PRIMA1: variants seen among roughly 807,000 people sequenced by gnomAD.
PRIMA1 encodes the protein proline-rich membrane anchor 1.
In PRIMA1, 7 loss-of-function variants were observed where a neutral mutation model predicts 17.5. That is an observed-to-expected ratio of 0.40 (90% confidence interval 0.23 to 0.75). PRIMA1 has a LOEUF of 0.75. Among genes scored for constraint, PRIMA1 ranks in the 30% least tolerant of loss-of-function variants. The pLI, the probability that PRIMA1 is intolerant of heterozygous loss-of-function variation, is 0.37. For missense variants in PRIMA1, 200 were observed against 201.8 expected (o/e 0.99, Z 0.05); for synonymous variants, 97 against 77.9 (o/e 1.25, Z -1.29).
chr14:93,788,948 G>A (rs1325604197), upstream of PRIMA1, among the ~76,000 whole-genome samples: 2 of 152,198 alleles, frequency 1.3e-5, no homozygotes, highest in Admixed American at 6.5e-5. Context: ...ACGCTGGCCC[G>A]CGAGAGGCAG....
At chr14:93,785,621 T>C (rs2141199147) in intron 2 of PRIMA1, among the ~76,000 whole-genome samples, 1 of 152,334 alleles carries the variant, frequency 6.6e-6, no homozygotes, top group South Asian at 2.1e-4. Flanking sequence ...CATGGCTTCG[T>C]GCATTTCCAT....
Position 93,743,798 on chromosome 14 carries a change from G to C in PRIMA1, c.230-6428C>G, listed in dbSNP as rs183614268. On this transcript the variant is annotated intron_variant, in intron 3 of 4. Transcript: ENST00000393140. ...CACCGCTGGTCCTCAGCGTGTGCAG[G>C]GGTCCCCTTTGGCACCACTCCCTCC... is the stretch of plus-strand genomic sequence containing the variant. 6.2e-3 allele frequency among the ~76,000 whole-genome samples: 940 copies of C among 152,338 alleles called. 7 individuals are homozygous for C. The highest frequency in any genetic ancestry group is 0.022 in the African/African-American group (896 of 41,580).
chr14:93,744,379 A>G (rs892879715), intron 3 of PRIMA1, among the ~76,000 whole-genome samples: 20 of 152,170 alleles, frequency 1.3e-4, no homozygotes, highest in Admixed American at 1.3e-3. Flanking sequence ...ACTGCTCTCC[A>G]TTCCTGGGCA....
intron 3 of PRIMA1, among the ~76,000 whole-genome samples, chr14:93,763,734 A>G (rs1448053799): frequency 6.6e-6 from 1 of 152,018 alleles, no homozygotes; most frequent in African/African-American, 2.4e-5. Context: ...GTCCCAGCAC[A>G]GTTTTTGGCT....
At position 93,737,371 on chromosome 14, in the gene PRIMA1, C is replaced by G; in HGVS notation, c.230-1G>C. 6.2e-7 allele frequency: 1 copy of G among 1,613,578 alleles called. No individual in the cohort carries two copies. The highest frequency in any genetic ancestry group is 8.5e-7 in the Non-Finnish European group (1 of 1,179,804). On this transcript the variant is annotated splice_acceptor_variant, in intron 3 of 4. Coordinates refer to ENST00000393140, the MANE Select transcript of PRIMA1 (RefSeq NM_178013.4). LOFTEE classifies it high-confidence loss of function. Reference sequence around the variant, plus strand: ...GTGGGGCAAGAGGTAGAGTTGGGAGCTGAAAAAGACAGGAGCAGCCTGAGT... The same window carrying G: ...GTGGGGCAAGAGGTAGAGTTGGGAGGTGAAAAAGACAGGAGCAGCCTGAGT...
intron 3 of PRIMA1, among the ~76,000 whole-genome samples, chr14:93,747,793 AGT>A (rs540534831): frequency 0.022 from 972 of 43,488 alleles, 6 homozygotes; most frequent in African/African-American, 0.065. Context: ...AGTATGTGAG[AGT>A]GTAAGGGGAC....
chr14:93,722,897 TTAAAC>T (rs1305652313), intron 4 of PRIMA1, among the ~76,000 whole-genome samples: 4 of 144,608 alleles, frequency 2.8e-5, no homozygotes, highest in Non-Finnish European at 4.6e-5. Flanking sequence ...CCTGAACACT[TTAAAC>T]TGAGCCATTT....
intron 4 of PRIMA1, among the ~76,000 whole-genome samples, chr14:93,723,815 A>C (rs551887378): frequency 2.0e-5 from 3 of 152,326 alleles, no homozygotes; most frequent in African/African-American, 7.2e-5. Flanking sequence ...AAGGACGCTC[A>C]TCTGGTTTGT....
intron 3 of PRIMA1, among the ~76,000 whole-genome samples, chr14:93,775,941 C>G (rs372550993): frequency 6.6e-6 from 1 of 152,240 alleles, no homozygotes; most frequent in South Asian, 2.1e-4. Context: ...ATCCCATAAG[C>G]CACCATGATT....
chr14:93,770,015 A>G (rs983521951), intron 3 of PRIMA1, among the ~76,000 whole-genome samples: 2 of 152,172 alleles, frequency 1.3e-5, no homozygotes, highest in Non-Finnish European at 2.9e-5. Context: ...CCACGCAGTC[A>G]TTCCTCAAAA....
Position 93,779,305 on chromosome 14 carries a change from G to T in PRIMA1, c.100C>A (p.His34Asn). The stretch of plus-strand genomic sequence containing the variant: ...GAGCAGGACTTCTGGGGCTCACCAT[G>T]CGTCACCTGTACACATGGGCACACG... ...HPLWGFVQVTHGEPQKSCSKV... is the reference protein window; with the variant it reads ...HPLWGFVQVTNGEPQKSCSKV... Residue 34 changes from histidine (H) to asparagine (N), a missense_variant, in exon 3 of 5, where the codon CAT becomes AAT. His to Asn is a moderately conservative substitution (Grantham distance 68). Coordinates refer to ENST00000393140, the MANE Select transcript of PRIMA1 (RefSeq NM_178013.4). The T allele has an allele frequency of 1.9e-6, 3 of 1,553,170 alleles. No individual in the cohort carries two copies. The highest frequency in any genetic ancestry group is 1.2e-5 in the South Asian group (1 of 81,310).
intron 2 of PRIMA1, among the ~76,000 whole-genome samples, chr14:93,783,368 T>C (rs1885435106): frequency 6.6e-6 from 1 of 152,216 alleles, no homozygotes; most frequent in South Asian, 2.1e-4. Context: ...AGCATTCAGT[T>C]GGCACAATGC....
intron 3 of PRIMA1, among the ~76,000 whole-genome samples, chr14:93,771,071 CATGT>C (rs58573854): frequency 0.037 from 5,401 of 145,852 alleles, 309 homozygotes; most frequent in African/African-American, 0.13. Flanking sequence ...TGTGTGTGTG[CATGT>C]ATGTGTGTAC....
intron 4 of PRIMA1, among the ~76,000 whole-genome samples, chr14:93,734,748 C>T (rs1481591452): frequency 6.6e-6 from 1 of 152,036 alleles, no homozygotes; most frequent in Non-Finnish European, 1.5e-5. Context: ...CTGGTGGAGC[C>T]CCGCCCCTGC....
chr14:93,786,807 G>A lies in PRIMA1; in HGVS notation c.93+819C>T, dbSNP rs538311149. 3.3e-5 allele frequency among the ~76,000 whole-genome samples: 5 copies of A among 152,296 alleles called. No individual in the cohort carries two copies. In the South Asian group the frequency reaches 1.0e-3, roughly 32 times the overall value. The stretch of plus-strand genomic sequence containing the variant: ...AACCACTACTGGTTAATTTCATCAT[G>A]GACCTGGCACTGCACTAAGTAATCC... On this transcript the variant is annotated intron_variant, in intron 2 of 4. Coordinates refer to ENST00000393140, the MANE Select transcript of PRIMA1 (RefSeq NM_178013.4).
At chr14:93,763,156 G>A (rs1480838749) in intron 3 of PRIMA1, among the ~76,000 whole-genome samples, 1 of 152,180 alleles carries the variant, frequency 6.6e-6, no homozygotes, top group African/African-American at 2.4e-5. Flanking sequence ...TTGTTCCATA[G>A]TGTGTTGCAG....
chr14:93,760,636 T>A (rs921206820), intron 3 of PRIMA1, among the ~76,000 whole-genome samples: 7 of 152,092 alleles, frequency 4.6e-5, no homozygotes, highest in African/African-American at 1.4e-4. Flanking sequence ...GCTGGTGAGC[T>A]CCACCAGAGC....
chr14:93,750,442 T>C (rs1457984489), intron 3 of PRIMA1, among the ~76,000 whole-genome samples: 1 of 152,160 alleles, frequency 6.6e-6, no homozygotes, highest in Admixed American at 6.5e-5. Flanking sequence ...GAATGCTTCA[T>C]CAGGTAGAAC....
intron 4 of PRIMA1, among the ~76,000 whole-genome samples, chr14:93,734,887 C>T (rs2076139927): frequency 1.3e-5 from 2 of 152,136 alleles, no homozygotes; most frequent in Admixed American, 1.3e-4. Flanking sequence ...AGACAGGAGG[C>T]CCCTCTATAG....
Sources: gnomAD v4.1 joint callset for allele counts (sites outside exome capture counted in the v4.1 genomes callset) on GRCh38, gnomAD v4.1.1 for gene constraint, MANE v1.5 for transcripts, NCBI Gene and HGNC (gene_info 2026-07-23, HGNC 2026-07-21) for gene names.